Variants in CD163L1 observed in about 807,000 individuals in gnomAD.
The protein encoded by CD163L1 is scavenger receptor cysteine-rich type 1 protein M160.
A neutral mutation model predicts 165.4 loss-of-function variants in CD163L1; 124 were observed. That is an observed-to-expected ratio of 0.75 (90% CI 0.65 to 0.87). The LOEUF (loss-of-function observed/expected upper bound fraction) is 0.87, where lower values mean the gene tolerates loss of function less well. CD163L1 is among the 40% of genes least tolerant of loss of function. The probability of loss-of-function intolerance (pLI) is 0.00; values close to 1 mark genes in which losing one functional copy is unlikely to be tolerated. For synonymous variants in CD163L1, 585 were observed against 662.2 expected (o/e 0.88, Z 1.79); for missense variants, 1,525 against 1,799.9 (o/e 0.85, Z 2.76).
chr12:7,399,554 TCTTTCTTTC>T (rs1362548810), intron 6 of CD163L1, among the ~76,000 whole-genome samples: 4 of 129,756 alleles, frequency 3.1e-5, no homozygotes, highest in African/African-American at 8.3e-5. Flanking sequence ...TTTCTTGCTT[TCTTTCTTTC>T]CTTTCTTTCC....
rs2136405389 is a variant in CD163L1, at chr12:7,367,954, T to G, written c.4183+133A>C. On this transcript the variant is annotated intron_variant, in intron 17 of 19. Coordinates refer to ENST00000313599, the MANE Select transcript of CD163L1 (RefSeq NM_174941.6). The stretch of plus-strand genomic sequence containing the variant: ...TTGATCATTCCACATGTTTCTGCAT[T>G]TGGCCTGGCACTTTCCAATCCATCT... 4.7e-6 allele frequency: 3 copies of G among 634,158 alleles called. No homozygotes were observed. The East Asian group carries it at 7.9e-5, about 17-fold the overall frequency. 39.3% of individuals were successfully genotyped at this position (634,158 alleles called of 1,614,324 possible).
At chr12:7,342,705 C>T (rs1946645441), downstream of CD163L1, among the ~76,000 whole-genome samples, 1 of 152,182 alleles carries the variant, frequency 6.6e-6, no homozygotes, top group Non-Finnish European at 1.5e-5. Flanking sequence ...ACGATCACGG[C>T]TCACTGCAGC....
intron 8 of CD163L1, among the ~76,000 whole-genome samples, chr12:7,382,853 T>C (rs1246290257): frequency 1.3e-5 from 2 of 152,196 alleles, no homozygotes; most frequent in African/African-American, 4.8e-5. Flanking sequence ...CTTATCCATC[T>C]GGAGGGCTGC....
chr12:7,393,460 A>C (rs890170365), intron 8 of CD163L1, among the ~76,000 whole-genome samples: 3 of 152,214 alleles, frequency 2.0e-5, no homozygotes, highest in Admixed American at 6.5e-5. Context: ...ACCCACAGCC[A>C]ATATCATACT....
the CD163L1 span, among the ~76,000 whole-genome samples, chr12:7,334,965 C>A: frequency 6.6e-6 from 1 of 152,250 alleles, no homozygotes; most frequent in African/African-American, 2.4e-5. Context: ...AGGAGAACTA[C>A]AAACCACTGC....
At chr12:7,335,933 A>G in the CD163L1 span, among the ~76,000 whole-genome samples, 3 of 148,812 alleles carry the variant, frequency 2.0e-5, no homozygotes, top group Admixed American at 6.7e-5. Flanking sequence ...GCCATCAGAG[A>G]AATGCAAATC....
At position 7,368,602 on chromosome 12, in the gene CD163L1, C is replaced by T. The variant is rs1048718600; in HGVS notation, c.4072+331G>A. 6.6e-6 allele frequency among the ~76,000 whole-genome samples: 1 copy of T among 151,162 alleles called. No homozygotes were observed. Among genetic ancestry groups the T allele is most frequent in the African/African-American group, 2.4e-5 (1 of 41,006 alleles). ...AGTGTACTGGCACGATCTCGGCTCA[C>T]TGCAATCTCTGCTTCCTGGGTTTAA... On this transcript the variant is annotated intron_variant, in intron 16 of 19. Transcript: ENST00000313599. This position sits in a 1 kb window ranked among gnomAD's most constrained non-coding sequence, Gnocchi z 4.3.
intron 18 of CD163L1, among the ~76,000 whole-genome samples, chr12:7,361,506 C>G (rs532326173): frequency 1.4e-4 from 22 of 152,298 alleles, no homozygotes; most frequent in Middle Eastern, 3.4e-3. Flanking sequence ...TTCTCTCAAA[C>G]TTAGTTGCCT....
At chr12:7,332,112 C>T in the CD163L1 span, among the ~76,000 whole-genome samples, 10 of 152,238 alleles carry the variant, frequency 6.6e-5, no homozygotes, top group South Asian at 6.2e-4. Flanking sequence ...CTGAAAACCA[C>T]GGCATGAGAA....
intron 8 of CD163L1, among the ~76,000 whole-genome samples, chr12:7,382,672 T>C (rs1265458708): frequency 1.3e-5 from 2 of 152,150 alleles, no homozygotes; most frequent in African/African-American, 2.4e-5. Context: ...AATAGCGTTG[T>C]TCCAGAGGGG....
At chr12:7,342,697 G>A (rs997929197), downstream of CD163L1, among the ~76,000 whole-genome samples, 8 of 152,298 alleles carry the variant, frequency 5.3e-5, no homozygotes, top group South Asian at 2.1e-4. Flanking sequence ...GCAGTGGCAC[G>A]ATCACGGCTC....
At chr12:7,421,057 GTATA>G (rs772067194) in intron 4 of CD163L1, among the ~76,000 whole-genome samples, 2 of 79,398 alleles carry the variant, frequency 2.5e-5, no homozygotes, top group Non-Finnish European at 4.2e-5. Context: ...ATGTATATAC[GTATA>G]TATGTATATA....
rs7299224 is a variant in CD163L1, at chr12:7,370,179, A to G, written c.3731-514T>C. 5.8e-3 allele frequency among the ~76,000 whole-genome samples: 876 copies of G among 152,290 alleles called. 10 individuals are homozygous for G. The highest frequency in any genetic ancestry group is 0.02 in the African/African-American group (834 of 41,548). Reference sequence around the variant, plus strand: ...TACAAACACTCTCTTTCCCAAATGAACAATGCTTTGGCACTAGTGACCTCT... The same window carrying G: ...TACAAACACTCTCTTTCCCAAATGAGCAATGCTTTGGCACTAGTGACCTCT... On this transcript the variant is annotated intron_variant, in intron 14 of 19. Transcript: ENST00000313599.
intron 18 of CD163L1, among the ~76,000 whole-genome samples, chr12:7,362,019 T>C (rs1207119371): frequency 6.6e-6 from 1 of 151,494 alleles, no homozygotes; most frequent in Non-Finnish European, 1.5e-5. Flanking sequence ...TTTATCTTTT[T>C]CCGGCTGACT....
At chr12:7,330,960 C>T in the CD163L1 span, among the ~76,000 whole-genome samples, 4 of 152,130 alleles carry the variant, frequency 2.6e-5, no homozygotes, top group Admixed American at 6.5e-5. Flanking sequence ...GTACAGTGCA[C>T]CGTGCACGAG....
chr12:7,394,751 AAAAC>A (rs1407746618), intron 8 of CD163L1, among the ~76,000 whole-genome samples: 18 of 152,206 alleles, frequency 1.2e-4, no homozygotes, highest in Non-Finnish European at 1.8e-4. Flanking sequence ...TTACAAGAAA[AAAAC>A]AAACAACCCC....
rs756534474 is a variant in CD163L1, at chr12:7,369,328, C to T, written c.4039+29G>A. 1.3e-6 allele frequency: 2 copies of T among 1,599,240 alleles called. No individual in the cohort carries two copies. The highest frequency in any genetic ancestry group is 1.7e-6 in the Non-Finnish European group (2 of 1,170,482). The stretch of plus-strand genomic sequence containing the variant: ...TGTTCTCTACCATTAGTGGGAGGCT[C>T]AGTTTAAGTGCAGCCTTTTCACACT... On this transcript the variant is annotated intron_variant, in intron 15 of 19. Transcript: ENST00000313599. The surrounding 1 kb of genome is among the most constrained non-coding windows in gnomAD (Gnocchi z 4.9).
chr12:7,436,105 G>A (rs1948709431), intron 2 of CD163L1, among the ~76,000 whole-genome samples: 1 of 152,098 alleles, frequency 6.6e-6, no homozygotes, highest in Non-Finnish European at 1.5e-5. Context: ...TCTCTGGTGG[G>A]GTTGGAAGGT....
rs772315309 is a variant in CD163L1 at position 7,381,554 on chromosome 12, T to C, written c.2051-2256A>G. On this transcript the variant is annotated intron_variant, in intron 8 of 19. Transcript: ENST00000313599. ...TGAAACATGAGTCAAGATCTGTTTGTAATTGGCAGGAGTTTCAAAACAATA... is the reference window on the plus strand; with the variant it reads ...TGAAACATGAGTCAAGATCTGTTTGCAATTGGCAGGAGTTTCAAAACAATA... Among the ~76,000 whole-genome samples the C allele has an allele frequency of 3.9e-5, 6 of 152,324 alleles. No homozygotes were observed. The South Asian group carries it at 1.2e-3, about 32-fold the overall frequency.
Sources: allele counts gnomAD v4.1 joint callset (sites outside exome capture counted in the v4.1 genomes callset), GRCh38; gene constraint gnomAD v4.1.1; non-coding constraint Gnocchi (gnomAD v3.1); transcripts MANE v1.5; gene names NCBI Gene and HGNC (gene_info 2026-07-23, HGNC 2026-07-21).